PRDM16: variants seen among roughly 807,000 people sequenced by gnomAD.
PRDM16 encodes PR/SET domain 16.
PRDM16 carries 23 observed loss-of-function variants against 110.6 expected under a neutral mutation model. The observed-to-expected ratio is 0.21, with a 90% CI of 0.15 to 0.29. The LOEUF is 0.29. Ranked by LOEUF, PRDM16 falls within the 10% of genes least tolerant of loss-of-function variation. The probability of loss-of-function intolerance (pLI) is 1.00; values close to 1 mark genes in which losing one functional copy is unlikely to be tolerated. For missense variants in PRDM16, 1,615 were observed against 1,794.3 expected, an observed-to-expected ratio of 0.90 and a Z score of 1.81; for synonymous variants, 799 against 781.8, an observed-to-expected ratio of 1.02 and a Z score of -0.37.
At chr1:3,332,175 C>T (rs1642054537) in intron 3 of PRDM16, among the ~76,000 whole-genome samples, 1 of 152,290 alleles carries the variant, frequency 6.6e-6, no homozygotes, top group Non-Finnish European at 1.5e-5. Context: ...GCGCTCACCT[C>T]TTTCCAGGCT....
At chr1:3,322,151 AGTGCACTGTGTGTGT>A (rs1641771634) in intron 3 of PRDM16, among the ~76,000 whole-genome samples, 1 of 139,576 alleles carries the variant, frequency 7.2e-6, no homozygotes, top group Non-Finnish European at 1.5e-5. Context: ...TTTGTGTGTG[AGTGCACTGTGTGTGT>A]GTGCTGTGCA....
At chr1:3,129,689 G>A (rs1180687762) in intron 1 of PRDM16, among the ~76,000 whole-genome samples, 1 of 152,176 alleles carries the variant, frequency 6.6e-6, no homozygotes, top group African/African-American at 2.4e-5. Context: ...GCCACAGGTA[G>A]GGGCAAGGTC....
intron 2 of PRDM16, among the ~76,000 whole-genome samples, chr1:3,236,557 CGCCG>C (rs775713953): frequency 6.6e-6 from 1 of 152,194 alleles, no homozygotes; most frequent in Non-Finnish European, 1.5e-5. Context: ...ATGGGCCCCA[CGCCG>C]GTGGGTGCCT....
chr1:3,176,717 C>CATCT (rs753190126), intron 1 of PRDM16, among the ~76,000 whole-genome samples: 7,665 of 150,950 alleles, frequency 0.051, 204 homozygotes, highest in Admixed American at 0.07. Flanking sequence ...TCTATCCATC[C>CATCT]ATCCATCCAT....
intron 3 of PRDM16, among the ~76,000 whole-genome samples, chr1:3,303,846 A>G (rs1156265635): frequency 7.4e-6 from 1 of 134,660 alleles, no homozygotes; most frequent in African/African-American, 3.0e-5. Context: ...GGGGACAGTG[A>G]CATGAGACCC....
At chr1:3,251,058 C>T (rs1215332981) in intron 3 of PRDM16, among the ~76,000 whole-genome samples, 2 of 152,164 alleles carry the variant, frequency 1.3e-5, no homozygotes, top group South Asian at 2.1e-4. Flanking sequence ...CAGTAGGAGA[C>T]GAAACATCAC....
intron 1 of PRDM16, among the ~76,000 whole-genome samples, chr1:3,121,896 G>A (rs551061950): frequency 1.3e-5 from 2 of 152,362 alleles, no homozygotes; most frequent in Non-Finnish European, 2.9e-5. Flanking sequence ...CCTGGGTGAT[G>A]TAGTGAGTGA....
At chr1:3,114,181 A>G (rs796178269) in intron 1 of PRDM16, among the ~76,000 whole-genome samples, 16,734 of 127,096 alleles carry the variant, frequency 0.13, 1,071 homozygotes, top group Middle Eastern at 0.21. Context: ...ACACGCACAC[A>G]CACGCACACA....
chr1:3,086,177 A>G (rs1642146825), intron 1 of PRDM16, among the ~76,000 whole-genome samples: 1 of 152,050 alleles, frequency 6.6e-6, no homozygotes, highest in South Asian at 2.1e-4. Context: ...CAGATGGGGA[A>G]CCTGAGGTTG....
At chr1:3,183,190 G>C (rs1457465443) in intron 1 of PRDM16, among the ~76,000 whole-genome samples, 1 of 152,198 alleles carries the variant, frequency 6.6e-6, no homozygotes, top group Non-Finnish European at 1.5e-5. Context: ...TGGTAGGCCA[G>C]TGAAAAGATG....
At chr1:3,405,740 C>T (rs944421182) in intron 8 of PRDM16, 92 bp downstream of exon 8, 109 of 1,328,582 alleles carry the variant, frequency 8.2e-5, no homozygotes, top group Admixed American at 1.1e-4. Context: ...AGGTCTCCCC[C>T]GATCCGAGGG....
chr1:3,109,216 C>T (rs751623350), intron 1 of PRDM16, among the ~76,000 whole-genome samples: 15 of 152,282 alleles, frequency 9.9e-5, no homozygotes, highest in South Asian at 2.1e-4. Flanking sequence ...AGGTTTTTGT[C>T]GCCTTGGGGC....
intron 2 of PRDM16, among the ~76,000 whole-genome samples, chr1:3,221,007 C>A (rs531287881): frequency 4.3e-4 from 66 of 152,310 alleles, no homozygotes; most frequent in Admixed American, 1.2e-3. Context: ...GAGGGAGACC[C>A]TGTCTGGGAG....
chr1:3,373,841 G>A (rs1642948172), intron 3 of PRDM16, among the ~76,000 whole-genome samples: 1 of 152,252 alleles, frequency 6.6e-6, no homozygotes, highest in African/African-American at 2.4e-5. Flanking sequence ...ACATGGCCGA[G>A]CCTGGGACGT....
intron 1 of PRDM16, among the ~76,000 whole-genome samples, chr1:3,109,671 G>A (rs776950016): frequency 3.3e-5 from 5 of 152,234 alleles, no homozygotes; most frequent in Admixed American, 6.5e-5. Flanking sequence ...AGTCCATCCC[G>A]GGGAGTGTGG....
chr1:3,193,765 G>A (rs150565821), intron 2 of PRDM16, among the ~76,000 whole-genome samples: 2 of 152,352 alleles, frequency 1.3e-5, no homozygotes, highest in East Asian at 3.9e-4. Context: ...GGGGGAGGGG[G>A]TGGTCAGGAA....
intron 1 of PRDM16, among the ~76,000 whole-genome samples, chr1:3,113,413 G>A (rs911919229): frequency 6.6e-6 from 1 of 151,996 alleles, no homozygotes; most frequent in Non-Finnish European, 1.5e-5. Flanking sequence ...GCAGGGGAGG[G>A]CGTGGGGATG....
At chr1:3,365,092 G>A (rs1215899641) in intron 3 of PRDM16, among the ~76,000 whole-genome samples, 2 of 152,216 alleles carry the variant, frequency 1.3e-5, no homozygotes, top group Non-Finnish European at 2.9e-5. Context: ...GTGGGCGAGG[G>A]CAGCAACCTG....
chr1:3,109,117 G>A (rs528784626), intron 1 of PRDM16, among the ~76,000 whole-genome samples: 12 of 138,138 alleles, frequency 8.7e-5, no homozygotes, highest in African/African-American at 2.7e-4. Flanking sequence ...TAATAATAAT[G>A]TCAAACAAAA....
Sources: gnomAD v4.1 joint callset for allele counts (sites outside exome capture counted in the v4.1 genomes callset) on GRCh38, gnomAD v4.1.1 for gene constraint, MANE v1.5 for transcripts, NCBI Gene and HGNC (gene_info 2026-07-23, HGNC 2026-07-21) for gene names.